The following LINGO2 variants were observed in gnomAD, a reference collection of about 807,000 sequenced individuals.
LINGO2 encodes the protein leucine-rich repeat and immunoglobulin-like domain-containing nogo receptor-interacting protein 2.
A neutral mutation model predicts 30.6 loss-of-function variants in LINGO2; 14 were observed. The observed-to-expected ratio is 0.46, with a 90% CI of 0.30 to 0.72. LINGO2 has a LOEUF of 0.72. LINGO2 is among the 30% of genes least tolerant of loss of function. The pLI, the probability that LINGO2 is intolerant of heterozygous loss-of-function variation, is 0.07. For synonymous variants in LINGO2, 317 were observed against 288.5 expected (o/e 1.10, Z -1.00); for missense variants, 729 against 751.7 (o/e 0.97, Z 0.35).
chr9:29,158,043 T>C, the LINGO2 span, among the ~76,000 whole-genome samples: 5 of 152,108 alleles, frequency 3.3e-5, no homozygotes, highest in African/African-American at 4.8e-5. Context: ...AAATTGTTTA[T>C]AAGATTAAGA....
chr9:28,052,702 A>C (rs1455491638), intron 4 of LINGO2, among the ~76,000 whole-genome samples: 1 of 152,138 alleles, frequency 6.6e-6, no homozygotes, highest in African/African-American at 2.4e-5. Context: ...TAGGGTCTCC[A>C]AACTACAAAT....
chr9:27,947,395 C>A (rs994664800), downstream of LINGO2, among the ~76,000 whole-genome samples: 1 of 152,068 alleles, frequency 6.6e-6, no homozygotes, highest in Non-Finnish European at 1.5e-5. Flanking sequence ...GAAAAAAAAT[C>A]AGCACAACTT....
At chr9:28,455,799 TC>T (rs1160451084) in intron 2 of LINGO2, among the ~76,000 whole-genome samples, 1 of 151,990 alleles carries the variant, frequency 6.6e-6, no homozygotes. Context: ...GTCTCCCACA[TC>T]CCCCTGCCTT....
chr9:28,839,403 G>C, the LINGO2 span, among the ~76,000 whole-genome samples: 35 of 152,194 alleles, frequency 2.3e-4, no homozygotes, highest in Non-Finnish European at 3.1e-4. Flanking sequence ...ATCCTAATGA[G>C]TTCAGCTCTC....
the LINGO2 span, among the ~76,000 whole-genome samples, chr9:29,042,258 T>C: frequency 2.6e-5 from 4 of 151,842 alleles, no homozygotes; most frequent in Admixed American, 2.6e-4. Flanking sequence ...ATGCACCCAA[T>C]CTCATCTAAA....
chr9:28,974,706 C>T, the LINGO2 span, among the ~76,000 whole-genome samples: 2 of 151,906 alleles, frequency 1.3e-5, no homozygotes, highest in Non-Finnish European at 2.9e-5. Flanking sequence ...CATAGTAACA[C>T]CAATGAAAGG....
chr9:29,123,242 CAT>C, the LINGO2 span, among the ~76,000 whole-genome samples: 7 of 152,086 alleles, frequency 4.6e-5, no homozygotes, highest in South Asian at 1.5e-3. Context: ...CCTAAGAACT[CAT>C]ATATATTCCC....
intron 2 of LINGO2, among the ~76,000 whole-genome samples, chr9:28,437,601 A>C (rs555268372): frequency 6.6e-6 from 1 of 151,826 alleles, no homozygotes; most frequent in South Asian, 2.1e-4. Context: ...ACCCACACAC[A>C]CACATACAGA....
At chr9:28,077,636 T>A (rs1048818556) in intron 4 of LINGO2, among the ~76,000 whole-genome samples, 3 of 135,616 alleles carry the variant, frequency 2.2e-5, no homozygotes, top group African/African-American at 1.1e-4. Flanking sequence ...GCAAGTATGC[T>A]ATTTAATTAC....
intron 4 of LINGO2, among the ~76,000 whole-genome samples, chr9:28,034,157 G>C (rs2150989): frequency 0.64 from 96,735 of 151,992 alleles, 32,730 homozygotes; most frequent in Non-Finnish European, 0.75. Flanking sequence ...CCTGGGGCCA[G>C]GGCTTGCTGG....
intron 1 of LINGO2, among the ~76,000 whole-genome samples, chr9:28,632,789 A>G (rs1204508672): frequency 1.8e-5 from 2 of 108,772 alleles, no homozygotes; most frequent in Admixed American, 1.1e-4. Flanking sequence ...ATCGATTTAT[A>G]TTATATAGAT....
chr9:28,976,869 C>G, the LINGO2 span, among the ~76,000 whole-genome samples: 2 of 152,102 alleles, frequency 1.3e-5, no homozygotes, highest in Admixed American at 6.6e-5. Flanking sequence ...TTCTCATTAA[C>G]TCAGAATATA....
the LINGO2 span, among the ~76,000 whole-genome samples, chr9:28,758,461 C>A: frequency 6.6e-6 from 1 of 152,042 alleles, no homozygotes; most frequent in African/African-American, 2.4e-5. Context: ...CTCTTACTGG[C>A]AGCTGGTTTG....
chr9:28,677,566 T>C, the LINGO2 span, among the ~76,000 whole-genome samples: 1 of 152,278 alleles, frequency 6.6e-6, no homozygotes, highest in Admixed American at 6.5e-5. Flanking sequence ...CACATACTAG[T>C]CCAGATTCAG....
chr9:28,295,363 G>A (rs754263098), exon 4 of LINGO2: 3 of 152,640 alleles, frequency 2.0e-5, no homozygotes, highest in Admixed American at 1.3e-4. Context: ...TGCTTGAAAC[G>A]AACCTGCAAC....
chr9:28,148,775 G>GC lies in LINGO2; in HGVS notation c.-86-136371dup, dbSNP rs1264634926. The GC allele has an allele frequency of 6.5e-7, 1 of 1,533,942 alleles. No individual in the cohort carries two copies. The highest frequency in any genetic ancestry group is 1.4e-5 in the African/African-American group (1 of 72,958). On this transcript the variant is annotated intron_variant, in intron 4 of 5. Transcript: ENST00000379992. This position sits in a 1 kb window ranked among gnomAD's most constrained non-coding sequence, Gnocchi z 5.1. ...TGACCCACTTCCAACAGTGCTCCCT[G>GC]CCCCAGTTCCAGGCTGCTCCCTGTG...
At chr9:28,233,283 T>G (rs948750774) in intron 4 of LINGO2, among the ~76,000 whole-genome samples, 3 of 151,822 alleles carry the variant, frequency 2.0e-5, no homozygotes, top group Non-Finnish European at 4.4e-5. Context: ...TGGGCTCCAG[T>G]GAGTTTGAGC....
intron 2 of LINGO2, among the ~76,000 whole-genome samples, chr9:28,406,397 C>A (rs1587626030): frequency 1.3e-5 from 2 of 152,234 alleles, no homozygotes; most frequent in Admixed American, 6.5e-5. Context: ...TATGCCACTG[C>A]ACTCCAGCCT....
downstream of LINGO2, among the ~76,000 whole-genome samples, chr9:27,947,038 C>T (rs1480282982): frequency 6.6e-6 from 1 of 152,070 alleles, no homozygotes. Context: ...TGTCAAGAAG[C>T]AAACCCCAGA....
Sources: gnomAD v4.1 joint callset for allele counts (sites outside exome capture counted in the v4.1 genomes callset) on GRCh38, gnomAD v4.1.1 for gene constraint, Gnocchi (gnomAD v3.1) non-coding constraint, MANE v1.5 for transcripts, NCBI Gene and HGNC (gene_info 2026-07-23, HGNC 2026-07-21) for gene names.